SLIT2: variants seen among roughly 807,000 people sequenced by gnomAD.
The protein encoded by SLIT2 is slit guidance ligand 2, also known as slit homolog 2 protein.
In SLIT2, 41 loss-of-function variants were observed where a neutral mutation model predicts 185.7. The observed-to-expected ratio is 0.22, with a 90% confidence interval of 0.17 to 0.29. The LOEUF is 0.29. Ranked by LOEUF, SLIT2 falls within the 10% of genes least tolerant of loss-of-function variation. SLIT2 has a pLI of 1.00. For missense variants in SLIT2, 1,571 were observed against 1,909.0 expected, an observed-to-expected ratio of 0.82 and a Z score of 3.30; for synonymous variants, 693 against 680.2, an observed-to-expected ratio of 1.02 and a Z score of -0.29.
At chr4:20,262,490 A>T (rs1485011734) in intron 3 of SLIT2, among the ~76,000 whole-genome samples, 1 of 151,894 alleles carries the variant, frequency 6.6e-6, no homozygotes, top group African/African-American at 2.4e-5. Context: ...TAGGCAACAC[A>T]TAACACATAC....
At chr4:20,367,880 T>C (rs1723234607) in intron 4 of SLIT2, among the ~76,000 whole-genome samples, 1 of 152,142 alleles carries the variant, frequency 6.6e-6, no homozygotes, top group Admixed American at 6.6e-5. Context: ...ATTCAGTCCA[T>C]TCTTACAGGG....
At chr4:20,434,887 A>G (rs1729244987) in intron 4 of SLIT2, among the ~76,000 whole-genome samples, 3 of 152,206 alleles carry the variant, frequency 2.0e-5, no homozygotes, top group Admixed American at 6.5e-5. Flanking sequence ...CTAAATTCCA[A>G]AAATTGAGAA....
chr4:20,616,070 A>C (rs1052161655), intron 34 of SLIT2: 1 of 152,206 alleles, frequency 6.6e-6, no homozygotes, highest in Non-Finnish European at 1.5e-5. Context: ...CAAAGATTGC[A>C]AATACTCTGT....
intron 4 of SLIT2, among the ~76,000 whole-genome samples, chr4:20,286,335 C>T (rs1715263485): frequency 6.6e-6 from 1 of 152,196 alleles, no homozygotes; most frequent in Non-Finnish European, 1.5e-5. Context: ...TCACTCTTGG[C>T]TCCTTTTCCC....
intron 1 of SLIT2, among the ~76,000 whole-genome samples, chr4:20,255,244 C>T (rs961138598): frequency 2.0e-5 from 3 of 152,226 alleles, no homozygotes; most frequent in Non-Finnish European, 4.4e-5. Flanking sequence ...TCTCCACCCG[C>T]GCAGCCCATT....
At chr4:20,406,726 A>T (rs764643400) in intron 4 of SLIT2, among the ~76,000 whole-genome samples, 3 of 144,574 alleles carry the variant, frequency 2.1e-5, no homozygotes. Context: ...ATAAATCAGT[A>T]CAATTAGTAT....
chr4:20,259,747 A>G (rs1180323818), intron 3 of SLIT2, among the ~76,000 whole-genome samples: 1 of 151,830 alleles, frequency 6.6e-6, no homozygotes, highest in Non-Finnish European at 1.5e-5. Flanking sequence ...TTTCTATTCT[A>G]CTAAGACTAA....
intron 4 of SLIT2, among the ~76,000 whole-genome samples, chr4:20,340,560 A>T (rs1720878399): frequency 6.6e-6 from 1 of 152,152 alleles, no homozygotes; most frequent in African/African-American, 2.4e-5. Context: ...TTATGGCCAG[A>T]AGAGATAGAC....
At chr4:20,292,746 G>T (rs1463777531) in intron 4 of SLIT2, among the ~76,000 whole-genome samples, 1 of 152,140 alleles carries the variant, frequency 6.6e-6, no homozygotes, top group Non-Finnish European at 1.5e-5. Flanking sequence ...TAATGTATTT[G>T]TCTGTTTTTT....
intron 4 of SLIT2, among the ~76,000 whole-genome samples, chr4:20,376,810 G>A (rs1426905165): frequency 6.6e-6 from 1 of 152,098 alleles, no homozygotes; most frequent in East Asian, 1.9e-4. Flanking sequence ...ACTCATAGGT[G>A]GGAATTGAAC....
At chr4:20,434,935 A>G (rs947185415) in intron 4 of SLIT2, among the ~76,000 whole-genome samples, 1 of 152,190 alleles carries the variant, frequency 6.6e-6, no homozygotes, top group African/African-American at 2.4e-5. Context: ...ATATTTGCTT[A>G]CCACTGTACC....
intron 20 of SLIT2, 94 bp from the exon 21 acceptor site, chr4:20,542,400 T>G: frequency 1.7e-6 from 2 of 1,168,654 alleles, no homozygotes; most frequent in Non-Finnish European, 1.3e-6. Flanking sequence ...CTTAAGACTC[T>G]TGTGTTTGTT....
At chr4:20,283,115 C>T (rs974644134) in intron 4 of SLIT2, among the ~76,000 whole-genome samples, 36 of 123,018 alleles carry the variant, frequency 2.9e-4, no homozygotes, top group African/African-American at 8.4e-4. Flanking sequence ...CCTGTGTGCG[C>T]GCGCGCACAC....
At chr4:20,545,512 C>A (rs1433574261) in intron 21 of SLIT2, among the ~76,000 whole-genome samples, 1 of 151,368 alleles carries the variant, frequency 6.6e-6, no homozygotes, top group Non-Finnish European at 1.5e-5. Context: ...TCTATAAAAT[C>A]TCCTAATGTT....
Position 20,518,587 on chromosome 4 carries a change from A to AT in SLIT2, c.1059-760dup, listed in dbSNP as rs71181568. ...TATATATATATATATATATATATAT[A>AT]TTTTTTTTTTTTTTTTTTTTTTTTT... On this transcript the variant is annotated intron_variant, in intron 11 of 36. Transcript: ENST00000504154. Among the ~76,000 whole-genome samples, 7 of 17,860 alleles carry AT rather than the reference A, an allele frequency of 3.9e-4. 1 individual carries two copies. Among genetic ancestry groups the AT allele is most frequent in the African/African-American group, 4.8e-4 (2 of 4,140 alleles). 11.7% of individuals were successfully genotyped at this position (17,860 alleles called of 152,430 possible). A position where few individuals can be genotyped will look rare whatever the true frequency, so the allele number is the denominator to read the frequency against.
intron 4 of SLIT2, among the ~76,000 whole-genome samples, chr4:20,463,511 A>C (rs1713995814): frequency 1.2e-5 from 1 of 84,170 alleles, no homozygotes; most frequent in Non-Finnish European, 2.5e-5. Context: ...GCGTATATCC[A>C]TATATGTGTG....
chr4:20,582,773 C>T (rs1199135218), intron 29 of SLIT2, among the ~76,000 whole-genome samples: 1 of 152,182 alleles, frequency 6.6e-6, no homozygotes, highest in Non-Finnish European at 1.5e-5. Context: ...GACAGTTTCT[C>T]TTGGGCTTGT....
rs141395818 is a variant in SLIT2, at chr4:20,616,962, C to T, written c.3900C>T (p.Asn1300=). The change falls in exon 35 of 37, where the codon AAC becomes AAT. Residue 1300 remains asparagine (N), a synonymous_variant. Transcript: ENST00000504154. The part of the protein sequence containing the change: ...VASLRQAPGQ[N]GTSFHGCIRN... The stretch of plus-strand genomic sequence containing the variant: ...CTCTGCGCCAGGCCCCTGGGCAGAA[C>T]GGAACCAGCTTCCACGGCTGCATCC... 5.8e-5 allele frequency: 94 copies of T among 1,613,770 alleles called. No homozygotes were observed. Among genetic ancestry groups the T allele is most frequent in the Admixed American group, 1.0e-4 (6 of 60,028 alleles).
At chr4:20,599,122 A>T (rs1449742938) in intron 33 of SLIT2, among the ~76,000 whole-genome samples, 2 of 152,214 alleles carry the variant, frequency 1.3e-5, no homozygotes, top group African/African-American at 4.8e-5. Flanking sequence ...ACTTACGCAG[A>T]ATAAGCAAAT....
Sources: allele counts gnomAD v4.1 joint callset (sites outside exome capture counted in the v4.1 genomes callset), GRCh38; gene constraint gnomAD v4.1.1; transcripts MANE v1.5; gene names NCBI Gene and HGNC (gene_info 2026-07-23, HGNC 2026-07-21).